The following NLGN1 variants were observed in gnomAD, a reference collection of about 807,000 sequenced individuals.
NLGN1 encodes neuroligin 1, also known as neuroligin-1.
A neutral mutation model predicts 65.5 loss-of-function variants in NLGN1; 12 were observed. The observed-to-expected ratio is 0.18, with a 90% confidence interval of 0.12 to 0.30. NLGN1 has a LOEUF of 0.30. Ranked by LOEUF, NLGN1 falls within the 10% of genes least tolerant of loss-of-function variation. The pLI is 1.00. For synonymous variants in NLGN1, 350 were observed against 359.5 expected (o/e 0.97, Z 0.30); for missense variants, 750 against 1,007.1 (o/e 0.74, Z 3.46).
At chr3:173,764,013 G>C (rs925336347) in intron 3 of NLGN1, among the ~76,000 whole-genome samples, 6 of 152,128 alleles carry the variant, frequency 3.9e-5, no homozygotes, top group African/African-American at 1.4e-4. Flanking sequence ...CATTGAAGAA[G>C]TTGTAACATA....
intron 2 of NLGN1, among the ~76,000 whole-genome samples, chr3:173,496,941 A>G (rs1300678090): frequency 3.3e-5 from 5 of 151,852 alleles, no homozygotes; most frequent in Non-Finnish European, 4.4e-5. Context: ...TAATCCTTTT[A>G]TTACAGAGTA....
intron 4 of NLGN1, among the ~76,000 whole-genome samples, chr3:173,881,798 C>T (rs1287204849): frequency 6.6e-6 from 1 of 152,126 alleles, no homozygotes; most frequent in Non-Finnish European, 1.5e-5. Context: ...GGATTGGAAT[C>T]AACTTTTTCT....
chr3:173,603,430 T>A (rs997711745), intron 2 of NLGN1, among the ~76,000 whole-genome samples: 1 of 130,972 alleles, frequency 7.6e-6, no homozygotes, highest in African/African-American at 2.7e-5. Context: ...ACACTCTCTT[T>A]TTGTAATCTT....
At chr3:173,487,159 C>T (rs1308632207) in intron 2 of NLGN1, among the ~76,000 whole-genome samples, 1 of 151,976 alleles carries the variant, frequency 6.6e-6, no homozygotes, top group Admixed American at 6.6e-5. Flanking sequence ...AAGCTTATGA[C>T]TACTCCTCTA....
chr3:174,265,536 G>T (rs1165143247), intron 4 of NLGN1, among the ~76,000 whole-genome samples: 1 of 151,754 alleles, frequency 6.6e-6, no homozygotes, highest in Non-Finnish European at 1.5e-5. Flanking sequence ...CCCTGTTTCG[G>T]CTCGCACACG....
At chr3:174,156,111 A>C (rs1446468715) in intron 4 of NLGN1, among the ~76,000 whole-genome samples, 2 of 151,974 alleles carry the variant, frequency 1.3e-5, no homozygotes, top group Non-Finnish European at 2.9e-5. Context: ...TCTTGGTAGA[A>C]AACGTTCTTT....
At chr3:173,509,799 A>G (rs1450615599) in intron 2 of NLGN1, among the ~76,000 whole-genome samples, 1 of 152,222 alleles carries the variant, frequency 6.6e-6, no homozygotes, top group Non-Finnish European at 1.5e-5. Context: ...TGAAATGATA[A>G]GGTCCATACA....
chr3:174,238,497 G>A (rs879759705), intron 4 of NLGN1, among the ~76,000 whole-genome samples: 3 of 151,950 alleles, frequency 2.0e-5, no homozygotes, highest in Non-Finnish European at 2.9e-5. Context: ...TGAGTAGCTG[G>A]GACTACAGGT....
At chr3:173,935,943 C>T (rs530573505) in intron 4 of NLGN1, among the ~76,000 whole-genome samples, 9 of 151,890 alleles carry the variant, frequency 5.9e-5, no homozygotes, top group Non-Finnish European at 1.0e-4. Context: ...AGTGTGAAGC[C>T]TACAGCAAAA....
At chr3:173,892,305 T>C (rs1207504449) in intron 4 of NLGN1, among the ~76,000 whole-genome samples, 1 of 152,004 alleles carries the variant, frequency 6.6e-6, no homozygotes, top group African/African-American at 2.4e-5. Context: ...GATCCTGCCA[T>C]CTCTGTTCTC....
intron 4 of NLGN1, among the ~76,000 whole-genome samples, chr3:173,853,194 C>T (rs542140814): frequency 1.3e-5 from 2 of 152,180 alleles, no homozygotes; most frequent in Non-Finnish European, 2.9e-5. Context: ...CCAGCACAGA[C>T]AGGATAATGA....
At chr3:174,084,925 C>T (rs114601494) in intron 4 of NLGN1, among the ~76,000 whole-genome samples, 1 of 151,910 alleles carries the variant, frequency 6.6e-6, no homozygotes, top group Admixed American at 6.6e-5. Flanking sequence ...AACCATAATT[C>T]TTCTTTTTTG....
intron 2 of NLGN1, among the ~76,000 whole-genome samples, chr3:173,537,758 G>T (rs949197647): frequency 1.3e-5 from 2 of 152,062 alleles, no homozygotes; most frequent in African/African-American, 4.8e-5. Flanking sequence ...TTGAGTTGGT[G>T]TACTCTTTCA....
chr3:173,670,780 C>A (rs979031517), intron 3 of NLGN1, among the ~76,000 whole-genome samples: 1 of 152,008 alleles, frequency 6.6e-6, no homozygotes, highest in Non-Finnish European at 1.5e-5. Context: ...TAGCATAAAA[C>A]GATGTTTATC....
intron 2 of NLGN1, among the ~76,000 whole-genome samples, chr3:173,593,377 A>G (rs111324748): frequency 5.3e-5 from 8 of 152,168 alleles, no homozygotes; most frequent in African/African-American, 1.7e-4. Context: ...TATTAGCACT[A>G]TTCCTCTCCT....
At chr3:173,633,843 C>A (rs1487036331) in intron 3 of NLGN1, among the ~76,000 whole-genome samples, 3 of 152,108 alleles carry the variant, frequency 2.0e-5, no homozygotes, top group African/African-American at 7.2e-5. Context: ...GAGAATATAT[C>A]GAACTGGATC....
At chr3:174,247,181 T>C (rs1490971471) in intron 4 of NLGN1, among the ~76,000 whole-genome samples, 2 of 152,240 alleles carry the variant, frequency 1.3e-5, no homozygotes, top group African/African-American at 2.4e-5. Flanking sequence ...TTTTTGGTGT[T>C]ACTTGGAGAT....
intron 4 of NLGN1, among the ~76,000 whole-genome samples, chr3:174,080,645 G>A (rs988078345): frequency 5.9e-5 from 9 of 151,972 alleles, no homozygotes; most frequent in African/African-American, 9.7e-5. Flanking sequence ...CAGTCGTTCC[G>A]AGAAGAAGAT....
intron 4 of NLGN1, among the ~76,000 whole-genome samples, chr3:174,142,010 G>A (rs987072633): frequency 6.6e-6 from 1 of 151,940 alleles, no homozygotes; most frequent in African/African-American, 2.4e-5. Flanking sequence ...AATCCCCTAT[G>A]TACCCTTCTA....
Sources: allele counts gnomAD v4.1 joint callset (sites outside exome capture counted in the v4.1 genomes callset), GRCh38; gene constraint gnomAD v4.1.1; transcripts MANE v1.5; gene names NCBI Gene and HGNC (gene_info 2026-07-23, HGNC 2026-07-21).